Variants in EPG5 observed in about 807,000 individuals in gnomAD.
EPG5 encodes ectopic P-granules 5 autophagy tethering factor, also known as ectopic P granules protein 5 homolog.
Under a neutral mutation model 302.7 loss-of-function variants are expected in EPG5, and 159 were observed. The observed-to-expected ratio is 0.53, with a 90% confidence interval of 0.46 to 0.60. EPG5 has a LOEUF of 0.60. EPG5 is among the 20% of genes least tolerant of loss of function. The pLI is 0.00. For synonymous variants in EPG5, 1,158 were observed against 1,136.8 expected, an observed-to-expected ratio of 1.02 and a Z score of -0.37; for missense variants, 2,896 against 3,092.4, an observed-to-expected ratio of 0.94 and a Z score of 1.51.
In EPG5 at chr18:45,950,550, G is replaced by A. The variant is rs1253939446; in HGVS notation, c.1389+552C>T. On this transcript the variant is annotated intron_variant, in intron 4 of 43. Transcript: ENST00000282041. ...CCTCCTCAGCCATATGGAACTGTAA[G>A]TCAAACTAAACCTCCTTTTCTTCCC... Among the ~76,000 whole-genome samples, 3 of 152,172 alleles carry A rather than the reference G, an allele frequency of 2.0e-5. 1 individual carries two copies. Among genetic ancestry groups the A allele is most frequent in the East Asian group, 3.8e-4 (2 of 5,204 alleles).
At position 45,918,329 on chromosome 18, in the gene EPG5, G is replaced by A. The variant is rs72918353; in HGVS notation, c.3099-510C>T. Among the ~76,000 whole-genome samples the A allele has an allele frequency of 7.9e-3, 1,204 of 152,274 alleles. 8 individuals carry two copies. The highest frequency in any genetic ancestry group is 0.013 in the Non-Finnish European group (853 of 68,000). On this transcript the variant is annotated intron_variant, in intron 16 of 43. Transcript: ENST00000282041. ...AACACTCGTATCATACTTAAAAGCT[G>A]AGCATCCCTAATCCAAAAGTCCCAA...
chr18:45,825,707 G>A, the EPG5 span: 8 of 1,614,094 alleles, frequency 5.0e-6, no homozygotes, highest in Non-Finnish European at 6.8e-6. Context: ...GGTCTGGCCT[G>A]GGGTGTTCAG....
chr18:45,942,274 G>C (rs1288060104), intron 9 of EPG5, among the ~76,000 whole-genome samples: 3 of 152,012 alleles, frequency 2.0e-5, no homozygotes, highest in Admixed American at 6.6e-5. Context: ...ATAATCACTT[G>C]ACTGATTTAT....
In EPG5 at chr18:45,907,985, C is replaced by T; in HGVS notation, c.4302G>A (p.Arg1434=). ...GCTGATTCTGCATCACTTTTGCTAG[C>T]CTGTGAATATCATAATGCTTTGGTA... ...PSLPKHYDIH[R]LAKVMQNQQD... The change falls in exon 24 of 44, where the codon AGG becomes AGA. Residue 1434 remains arginine (R), a synonymous_variant. Coordinates refer to ENST00000282041, the MANE Select transcript of EPG5 (RefSeq NM_020964.3). 1 of 1,585,264 alleles carries T rather than the reference C, an allele frequency of 6.3e-7. No individual in the cohort carries two copies. Among genetic ancestry groups the T allele is most frequent in the Non-Finnish European group, 8.5e-7 (1 of 1,172,082 alleles).
downstream of EPG5, chr18:45,844,214 A>C (rs868702259): frequency 6.6e-6 from 1 of 152,212 alleles, no homozygotes; most frequent in African/African-American, 2.4e-5. Flanking sequence ...AGCTAAAAAA[A>C]GTTGAAATTG....
the EPG5 span, among the ~76,000 whole-genome samples, chr18:45,828,741 G>T: frequency 1.3e-5 from 2 of 152,232 alleles, no homozygotes; most frequent in South Asian, 2.1e-4. Flanking sequence ...CCCTCCTGCA[G>T]TGGGCAGGGA....
chr18:45,842,314 CT>C, the EPG5 span: 1 of 957,854 alleles, frequency 1.0e-6, no homozygotes, highest in Non-Finnish European at 1.6e-6. Flanking sequence ...GGCTCCTCCC[CT>C]GCTCAAGGTC....
At chr18:45,959,317 G>C (rs997268454) in intron 1 of EPG5, among the ~76,000 whole-genome samples, 2 of 151,856 alleles carry the variant, frequency 1.3e-5, no homozygotes, top group African/African-American at 4.8e-5. Context: ...TTCCAGCCTG[G>C]GTGACAGAGT....
At chr18:45,911,615 T>C (rs992660022) in intron 22 of EPG5, among the ~76,000 whole-genome samples, 2 of 152,132 alleles carry the variant, frequency 1.3e-5, no homozygotes, top group Non-Finnish European at 2.9e-5. Flanking sequence ...TTTTCTATTT[T>C]TAGTAGAGAC....
At chr18:45,967,063 G>C in intron 1 of EPG5, 114 bp downstream of exon 1, 1 of 993,008 alleles carries the variant, frequency 1.0e-6, no homozygotes, top group South Asian at 1.7e-5. Flanking sequence ...AGGTGGAGGC[G>C]GAAGATGCAG....
chr18:45,825,234 G>A, the EPG5 span, among the ~76,000 whole-genome samples: 156 of 145,022 alleles, frequency 1.1e-3, 6 homozygotes, highest in Non-Finnish European at 5.4e-4. Flanking sequence ...GAGGGAGGGA[G>A]GAATAAGGGA....
chr18:45,820,825 G>C, the EPG5 span, among the ~76,000 whole-genome samples: 1 of 152,166 alleles, frequency 6.6e-6, no homozygotes, highest in Non-Finnish European at 1.5e-5. Flanking sequence ...ATGATGTCAT[G>C]GGGAATATAA....
intron 1 of EPG5, among the ~76,000 whole-genome samples, chr18:45,963,273 C>T (rs10048241): frequency 0.14 from 21,328 of 152,150 alleles, 1,704 homozygotes; most frequent in Middle Eastern, 0.21. Flanking sequence ...GTTTAGCTGA[C>T]ACCTCACAAA....
chr18:45,856,075 G>C (rs1027355757), intron 42 of EPG5, among the ~76,000 whole-genome samples: 8 of 152,132 alleles, frequency 5.3e-5, no homozygotes, highest in African/African-American at 1.9e-4. Context: ...AAAAACAGAT[G>C]TTCTAACAAA....
At chr18:45,843,542 A>G (rs2048342572), downstream of EPG5, 1 of 152,258 alleles carries the variant, frequency 6.6e-6, no homozygotes, top group African/African-American at 2.4e-5. Context: ...GTGGGAATGT[A>G]AATTAGTATA....
At chr18:45,871,119 A>G (rs1221787375) in intron 35 of EPG5, among the ~76,000 whole-genome samples, 1 of 152,248 alleles carries the variant, frequency 6.6e-6, no homozygotes, top group Non-Finnish European at 1.5e-5. Flanking sequence ...AATCCCTCAA[A>G]AGGAAATGTT....
At chr18:45,940,875 T>C (rs185068271) in intron 9 of EPG5, among the ~76,000 whole-genome samples, 42 of 152,274 alleles carry the variant, frequency 2.8e-4, no homozygotes, top group African/African-American at 8.7e-4. Flanking sequence ...TGCTACTTAA[T>C]GAAACTGGGA....
At chr18:45,961,397 A>C (rs1044340154) in intron 1 of EPG5, among the ~76,000 whole-genome samples, 4 of 151,478 alleles carry the variant, frequency 2.6e-5, no homozygotes, top group Non-Finnish European at 4.4e-5. Flanking sequence ...CCCCTCACTC[A>C]CTCTGCACTA....
In EPG5 at chr18:45,948,543, G is replaced by GA. The variant is rs1568181337; in HGVS notation, c.1530dup (p.His511SerfsTer18). Reference sequence around the variant, plus strand: ...AGCAGGGCAAGGGATTGCATAAAATGAAAGACCCCTGATGGGTTATGCAAC... The same window carrying GA: ...AGCAGGGCAAGGGATTGCATAAAATGAAAAGACCCCTGATGGGTTATGCAAC... On this transcript the variant is annotated frameshift_variant, in exon 6 of 44. Transcript: ENST00000282041. LOFTEE classifies it high-confidence loss of function. The GA allele has an allele frequency of 6.2e-7, 1 of 1,613,938 alleles. No individual in the cohort carries two copies. Among genetic ancestry groups the GA allele is most frequent in the Admixed American group, 1.7e-5 (1 of 60,028 alleles).
Sources: allele counts gnomAD v4.1 joint callset (sites outside exome capture counted in the v4.1 genomes callset), GRCh38; gene constraint gnomAD v4.1.1; transcripts MANE v1.5; gene names NCBI Gene and HGNC (gene_info 2026-07-23, HGNC 2026-07-21).